CACNA1B: variants seen among roughly 807,000 people sequenced by gnomAD.
CACNA1B encodes voltage-dependent N-type calcium channel subunit alpha-1B.
CACNA1B carries 70 observed loss-of-function variants against 247.2 expected under a neutral mutation model. The observed-to-expected ratio is 0.28, with a 90% confidence interval of 0.23 to 0.35. The LOEUF is 0.35. Among genes scored for constraint, CACNA1B ranks in the 10% least tolerant of loss-of-function variants. The probability of loss-of-function intolerance (pLI) is 1.00; values close to 1 mark genes in which losing one functional copy is unlikely to be tolerated. For missense variants in CACNA1B, 2,367 were observed against 3,197.4 expected (o/e 0.74, Z 6.26); for synonymous variants, 1,231 against 1,294.4 (o/e 0.95, Z 1.05).
intron 20 of CACNA1B, among the ~76,000 whole-genome samples, chr9:138,027,585 T>G (rs1051495790): frequency 4.6e-5 from 7 of 152,162 alleles, no homozygotes; most frequent in African/African-American, 1.7e-4. Flanking sequence ...TGTGTGTGTG[T>G]CTGTTTGTGT....
chr9:138,112,331 T>C lies in CACNA1B; in HGVS notation c.5429-67T>C, dbSNP rs536997624. ...CCCCACCTGCACCAGCTCTGCCCCATTGGCGGCTGCAGGGCTGCTCCTAAC... is the reference window on the plus strand; with the variant it reads ...CCCCACCTGCACCAGCTCTGCCCCACTGGCGGCTGCAGGGCTGCTCCTAAC... On this transcript the variant is annotated intron_variant, in intron 39 of 46. Transcript: ENST00000371372. 3.4e-4 allele frequency: 386 copies of C among 1,129,264 alleles called. No individual in the cohort carries two copies. The African/African-American group carries it at 3.9e-3, about 11-fold the overall frequency. The allele number at this position is 1,129,264 out of a possible 1,614,324, so 70.0% of individuals were successfully genotyped here.
rs770538950 is a variant in CACNA1B, at chr9:138,013,218, G to A, written c.2250G>A (p.Ala750=). The change falls in exon 18 of 47, where the codon GCG becomes GCA. Residue 750 remains alanine, a synonymous_variant. Coordinates refer to ENST00000371372, the MANE Select transcript of CACNA1B (RefSeq NM_000718.4). ...EVAEVSPMSA[A]NISIAARQQN... ...CTGAAGTCAGCCCCATGTCTGCCGC[G>A]AACATCTCCATCGCCGCGTAAGGCT... The A allele has an allele frequency of 7.5e-6, 12 of 1,601,142 alleles. No homozygotes were observed. Among genetic ancestry groups the A allele is most frequent in the Admixed American group, 3.4e-5 (2 of 58,264 alleles).
chr9:137,921,697 C>T (rs1209863676), intron 6 of CACNA1B, among the ~76,000 whole-genome samples: 224 of 73,858 alleles, frequency 3.0e-3, no homozygotes, highest in African/African-American at 8.1e-3. Context: ...TCGGAGAACA[C>T]GATCAGCACC....
rs1430519086 is a variant in CACNA1B at position 137,888,472 on chromosome 9, G to C, written c.530+5589G>C. 4.6e-5 allele frequency among the ~76,000 whole-genome samples: 7 copies of C among 152,338 alleles called. 1 individual carries two copies. In the East Asian group the frequency reaches 7.7e-4, roughly 17 times the overall value. ...CAAAGCCCTGCGCGTCCCCACCCCT[G>C]TTGTGGCTCCAGCCTGGTGCTACCC... On this transcript the variant is annotated intron_variant, in intron 3 of 46. Coordinates refer to ENST00000371372, the MANE Select transcript of CACNA1B (RefSeq NM_000718.4). The surrounding 1 kb of genome is among the most constrained non-coding windows in gnomAD (Gnocchi z 4.7).
chr9:137,947,302 G>A (rs1171608060), intron 6 of CACNA1B, among the ~76,000 whole-genome samples: 1 of 152,154 alleles, frequency 6.6e-6, no homozygotes, highest in Non-Finnish European at 1.5e-5. Flanking sequence ...CAGTGGAAGG[G>A]GGGTGGGCCG....
At chr9:137,901,686 A>ATTTTTTTT (rs57624388) in intron 3 of CACNA1B, among the ~76,000 whole-genome samples, 1 of 112,396 alleles carries the variant, frequency 8.9e-6, no homozygotes, top group Non-Finnish European at 1.8e-5. Context: ...TTTTTTTGTG[A>ATTTTTTTT]TTTTTTTTTT....
chr9:137,916,296 G>GGC (rs1957410510), intron 5 of CACNA1B, among the ~76,000 whole-genome samples: 1 of 152,090 alleles, frequency 6.6e-6, no homozygotes, highest in Non-Finnish European at 1.5e-5. Context: ...GCCTCCCAAA[G>GGC]TGCTAGGATT....
chr9:137,942,664 T>A (rs1957746572), intron 6 of CACNA1B, among the ~76,000 whole-genome samples: 1 of 152,216 alleles, frequency 6.6e-6, no homozygotes, highest in Admixed American at 6.5e-5. Flanking sequence ...TTAGTGGCAT[T>A]CACAGTGACC....
rs1374000272 is a variant in CACNA1B, at chr9:137,919,635, C to T, written c.966+2204C>T. On this transcript the variant is annotated intron_variant, in intron 6 of 46. Coordinates refer to ENST00000371372, the MANE Select transcript of CACNA1B (RefSeq NM_000718.4). The surrounding 1 kb of genome is among the most constrained non-coding windows in gnomAD (Gnocchi z 4.6). ...CCCAGTGAGAGGGACTTTTGTGGCC[C>T]CTCGGATATACGCTCCTTCAAGCAA... 6.6e-6 allele frequency among the ~76,000 whole-genome samples: 1 copy of T among 152,228 alleles called. No individual in the cohort carries two copies. The highest frequency in any genetic ancestry group is 1.5e-5 in the Non-Finnish European group (1 of 68,046).
chr9:138,104,051 C>T (rs1231919119), intron 38 of CACNA1B, among the ~76,000 whole-genome samples: 1 of 152,350 alleles, frequency 6.6e-6, no homozygotes, highest in South Asian at 2.1e-4. Flanking sequence ...ATGGAGCAGC[C>T]TTTGGAGCCC....
chr9:137,996,689 C>A (rs995314458), intron 15 of CACNA1B, among the ~76,000 whole-genome samples: 1 of 152,132 alleles, frequency 6.6e-6, no homozygotes, highest in African/African-American at 2.4e-5. Flanking sequence ...AATTAAAAAT[C>A]TCCTGCTCAA....
At chr9:138,110,129 A>C (rs898559908) in intron 39 of CACNA1B, among the ~76,000 whole-genome samples, 2 of 151,334 alleles carry the variant, frequency 1.3e-5, no homozygotes, top group African/African-American at 4.9e-5. Flanking sequence ...ATATATATAT[A>C]TATTTGAGAC....
At position 138,117,874 on chromosome 9, in the gene CACNA1B, A is replaced by AAG. The variant is rs2131370598; in HGVS notation, c.5778-71_5778-70dup. The AAG allele has an allele frequency of 2.3e-6, 3 of 1,276,960 alleles. No individual in the cohort carries two copies. The Admixed American group carries it at 7.2e-5, about 30-fold the overall frequency. 79.1% of individuals were successfully genotyped at this position (1,276,960 alleles called of 1,614,324 possible). A position where few individuals can be genotyped will look rare whatever the true frequency, so the allele number is the denominator to read the frequency against. On this transcript the variant is annotated intron_variant, in intron 42 of 46. Transcript: ENST00000371372. The stretch of plus-strand genomic sequence containing the variant: ...TGTGTTGGAGACGCCTGGCAGGTTG[A>AAG]AGCACCAGGCTATTGGTAAGGCACC...
chr9:138,071,535 C>T (rs1346570031), intron 32 of CACNA1B, among the ~76,000 whole-genome samples: 1 of 152,204 alleles, frequency 6.6e-6, no homozygotes, highest in Non-Finnish European at 1.5e-5. Context: ...TCTGTCTTCA[C>T]AGCTCTCCAG....
At position 137,986,758 on chromosome 9, in the gene CACNA1B, C is replaced by G; in HGVS notation, c.1902-24C>G. ...CTCGCTGCTGACGGGACTGCCACTT[C>G]CCAAGCCTTCCTGTTTTCCTCAGGT... On this transcript the variant is annotated intron_variant, in intron 14 of 46. Coordinates refer to ENST00000371372, the MANE Select transcript of CACNA1B (RefSeq NM_000718.4). The surrounding 1 kb of genome is among the most constrained non-coding windows in gnomAD (Gnocchi z 6.0). 1 of 1,602,748 alleles carries G rather than the reference C, an allele frequency of 6.2e-7. No individual in the cohort carries two copies. The highest frequency in any genetic ancestry group is 8.5e-7 in the Non-Finnish European group (1 of 1,169,712).
Position 138,010,156 on chromosome 9 carries a change from G to T in CACNA1B, c.2160+79G>T. On this transcript the variant is annotated intron_variant, in intron 17 of 46. Transcript: ENST00000371372. This position sits in a 1 kb window ranked among gnomAD's most constrained non-coding sequence, Gnocchi z 5.3. ...GCAGCCAGGAAGAGTCTGGGTCCTG[G>T]GTTAGGGCCTCGTGTCCAGGAGCGT... 8.5e-7 allele frequency: 1 copy of T among 1,179,040 alleles called. No homozygotes were observed. Among genetic ancestry groups the T allele is most frequent in the Non-Finnish European group, 1.3e-6 (1 of 788,680 alleles). 73.0% of individuals were successfully genotyped at this position (1,179,040 alleles called of 1,614,324 possible). A position where few individuals can be genotyped will look rare whatever the true frequency, so the allele number is the denominator to read the frequency against.
intron 24 of CACNA1B, among the ~76,000 whole-genome samples, chr9:138,049,660 G>A (rs1006305339): frequency 2.0e-5 from 3 of 152,192 alleles, no homozygotes; most frequent in African/African-American, 4.8e-5. Flanking sequence ...TGTGTCCAGC[G>A]TTTGCCTCCC....
chr9:138,082,563 G>A (rs1280762358), intron 36 of CACNA1B, among the ~76,000 whole-genome samples: 2 of 151,332 alleles, frequency 1.3e-5, no homozygotes, highest in Non-Finnish European at 2.9e-5. Flanking sequence ...TACAAAGTCT[G>A]TTTACACTTC....
rs779631598 is a variant in CACNA1B at position 138,115,640 on chromosome 9, G to A, written c.5738G>A (p.Arg1913Gln). The A allele has an allele frequency of 6.8e-6, 11 of 1,613,698 alleles. No homozygotes were observed. The highest frequency in any genetic ancestry group is 1.7e-4 in the Middle Eastern group (1 of 6,018). ...CTCCGAGGAGCCCGGGTTTTCCTTC[G>A]ACAGAAGAGTTCCACCTCCCTCAGC... ...AVLRGARVFL[R>Q]QKSSTSLSNG... is the part of the protein sequence containing the mutation. Residue 1913 changes from arginine to glutamine, a missense_variant, in exon 42 of 47, where the codon CGA becomes CAA. This residue lies in a region of CACNA1B where 773 missense variants were observed against 779.4 expected (regional missense o/e 0.99). Transcript: ENST00000371372.
Sources: gnomAD v4.1 joint callset for allele counts (sites outside exome capture counted in the v4.1 genomes callset) on GRCh38, gnomAD v4.1.1 for gene constraint, gnomAD v4.1.1 regional missense constraint, Gnocchi (gnomAD v3.1) non-coding constraint, MANE v1.5 for transcripts, NCBI Gene and HGNC (gene_info 2026-07-23, HGNC 2026-07-21) for gene names.